KCTD7: variants seen among roughly 807,000 people sequenced by gnomAD.
KCTD7 encodes the protein potassium channel tetramerization domain containing 7, also known as BTB/POZ domain-containing protein KCTD7.
Under a neutral mutation model 27.0 loss-of-function variants are expected in KCTD7, and 15 were observed. That is an observed-to-expected ratio of 0.56 (90% CI 0.37 to 0.86). The LOEUF (loss-of-function observed/expected upper bound fraction) is 0.86. Among genes scored for constraint, KCTD7 ranks in the 40% least tolerant of loss-of-function variants. The pLI is 0.00. For missense variants in KCTD7, 299 were observed against 398.9 expected (o/e 0.75, Z 2.13); for synonymous variants, 159 against 162.7 (o/e 0.98, Z 0.17).
Position 66,638,906 on chromosome 7 carries a change from A to G in KCTD7, c.544A>G (p.Lys182Glu). 1 of 1,614,142 alleles carries G rather than the reference A, an allele frequency of 6.2e-7. No homozygotes were observed. The highest frequency in any genetic ancestry group is 8.5e-7 in the Non-Finnish European group (1 of 1,180,038). The change falls in exon 4 of 4, where the codon AAG becomes GAG. Residue 182 changes from lysine (K) to glutamate (E), a missense_variant. Coordinates refer to ENST00000639828, the MANE Select transcript of KCTD7 (RefSeq NM_153033.5). ...CGCCCGGCTGCGTGCGGTCCAGCGG[A>G]AGGCCCGCTTTGCCAAGCTCAAGGT... ...EIARLRAVQR[K>E]ARFAKLKVCV... is the part of the protein sequence containing the mutation.
intron 1 of KCTD7, 67 bp downstream of exon 1, chr7:66,629,275 T>C (rs1786387702): frequency 5.1e-6 from 5 of 971,090 alleles, no homozygotes; most frequent in South Asian, 8.1e-5. Context: ...GCGCGGGGCA[T>C]AGCGGTCCTC....
Position 66,640,410 on chromosome 7 carries a change from C to T in KCTD7, c.*1178C>T. 1 of 1,537,184 alleles carries T rather than the reference C, an allele frequency of 6.5e-7. No individual in the cohort carries two copies. The highest frequency in any genetic ancestry group is 2.4e-5 in the East Asian group (1 of 40,910). Reference sequence around the variant, plus strand: ...CTATTTCAGAAATTGAAAAAGATCCCCAAGGATCTGTTACTACTGCATTTC... The same window carrying T: ...CTATTTCAGAAATTGAAAAAGATCCTCAAGGATCTGTTACTACTGCATTTC... On this transcript the variant is annotated 3_prime_UTR_variant, in exon 4 of 4. Coordinates refer to ENST00000639828, the MANE Select transcript of KCTD7 (RefSeq NM_153033.5).
In KCTD7 at chr7:66,640,047, T is replaced by C; in HGVS notation, c.*815T>C. On this transcript the variant is annotated 3_prime_UTR_variant, in exon 4 of 4. Transcript: ENST00000639828. ...TCAAGCAGGCAAGATGCCTAGATCT[T>C]CTGTTATCTTTGACATGTAACATCC... 7.9e-7 allele frequency: 1 copy of C among 1,267,920 alleles called. No individual in the cohort carries two copies. Among genetic ancestry groups the C allele is most frequent in the Non-Finnish European group, 9.9e-7 (1 of 1,010,842 alleles). 78.5% of individuals were successfully genotyped at this position (1,267,920 alleles called of 1,614,324 possible).
At chr7:66,643,147 G>A (rs1187001673), downstream of KCTD7, 1 of 959,212 alleles carries the variant, frequency 1.0e-6, no homozygotes, top group Non-Finnish European at 1.2e-6. Context: ...AAAATGTGGT[G>A]TGTTTGGGGA....
chr7:66,638,201 C>T (rs1428154080), intron 2 of KCTD7, 52 bp from the exon 3 acceptor site: 15 of 1,598,434 alleles, frequency 9.4e-6, no homozygotes, highest in Non-Finnish European at 1.3e-5. Context: ...CTGTGTGGCA[C>T]TGCCCAGGAG....
Position 66,628,967 on chromosome 7 carries a change from C to A in KCTD7, c.-98C>A. 7.8e-7 allele frequency: 1 copy of A among 1,281,916 alleles called. No individual in the cohort carries two copies. Among genetic ancestry groups the A allele is most frequent in the Non-Finnish European group, 1.0e-6 (1 of 973,330 alleles). 79.4% of individuals were successfully genotyped at this position (1,281,916 alleles called of 1,614,324 possible). On this transcript the variant is annotated 5_prime_UTR_variant, in exon 1 of 4. Transcript: ENST00000639828. ...TCGCCCCCCTCCGGCCAGCCCGCAG[C>A]CGGCCGCGTCATGCCAGGCGCTGCT...
chr7:66,643,058 G>C (rs182211775), downstream of KCTD7: 1,226 of 985,436 alleles, frequency 1.2e-3, 2 homozygotes, highest in Non-Finnish European at 1.4e-3. Flanking sequence ...CCTGGGTGCT[G>C]TGCCTTTCTT....
chr7:66,639,861 C>A lies in KCTD7; in HGVS notation c.*629C>A. On this transcript the variant is annotated 3_prime_UTR_variant, in exon 4 of 4. Transcript: ENST00000639828. ...CTTTTGGAGATTTAACCATAGCTGC[C>A]AAAGCTATGCACCCAGTTGGCCTTA... The A allele has an allele frequency of 3.2e-6, 4 of 1,246,960 alleles. No homozygotes were observed. Among genetic ancestry groups the A allele is most frequent in the Non-Finnish European group, 4.0e-6 (4 of 996,472 alleles). 77.2% of individuals were successfully genotyped at this position (1,246,960 alleles called of 1,614,324 possible). A position where few individuals can be genotyped will look rare whatever the true frequency, so the allele number is the denominator to read the frequency against.
Position 66,642,270 on chromosome 7 carries a change from CTT to C in KCTD7, c.*3039_*3040del. Reference sequence around the variant, plus strand: ...ATCACCTTCCTTATTTTACCTCTGCCTTGTTCACCAGGCTGCCCAGTGCTTAC... The same window carrying C: ...ATCACCTTCCTTATTTTACCTCTGCCGTTCACCAGGCTGCCCAGTGCTTAC... On this transcript the variant is annotated 3_prime_UTR_variant, in exon 4 of 4. Coordinates refer to ENST00000639828, the MANE Select transcript of KCTD7 (RefSeq NM_153033.5). 1 of 985,434 alleles carries C rather than the reference CTT, an allele frequency of 1.0e-6. No individual in the cohort carries two copies. Among genetic ancestry groups the C allele is most frequent in the South Asian group, 4.7e-5 (1 of 21,290 alleles). The allele number at this position is 985,434 out of a possible 1,614,324, so 61.0% of individuals were successfully genotyped here.
intron 2 of KCTD7, among the ~76,000 whole-genome samples, chr7:66,636,584 A>G (rs1786591985): frequency 6.6e-6 from 1 of 151,834 alleles, no homozygotes; most frequent in Admixed American, 6.6e-5. Flanking sequence ...TGTCTTCCGC[A>G]CGTACGGGTG....
intron 1 of KCTD7, among the ~76,000 whole-genome samples, chr7:66,632,503 AAAG>A (rs1786475180): frequency 6.7e-6 from 1 of 149,590 alleles, no homozygotes; most frequent in African/African-American, 2.5e-5. Context: ...AAAAAAAAAA[AAAG>A]AAAAAGGGCA....
rs886062423 is a variant in KCTD7 at position 66,641,554 on chromosome 7, G to A, written c.*2322G>A. On this transcript the variant is annotated 3_prime_UTR_variant, in exon 4 of 4. Coordinates refer to ENST00000639828, the MANE Select transcript of KCTD7 (RefSeq NM_153033.5). ...TACAGGGATGCTGGGTAAGAACACC[G>A]TTCCTCTCTCTCGCTGGAGAAATCC... 4.5e-5 allele frequency: 44 copies of A among 985,276 alleles called. No homozygotes were observed. Among genetic ancestry groups the A allele is most frequent in the Non-Finnish European group, 5.3e-5 (44 of 829,938 alleles). 61.0% of individuals were successfully genotyped at this position (985,276 alleles called of 1,614,324 possible).
intron 2 of KCTD7, 63 bp downstream of exon 2, chr7:66,633,507 A>G (rs1053905845): frequency 1.5e-5 from 22 of 1,474,964 alleles, no homozygotes; most frequent in Middle Eastern, 1.7e-4. Context: ...AGGCTTGAGT[A>G]TGGGACCTTG....
At chr7:66,629,292 TGGGCGGGGCCGGGGTTGG>T (rs1786388633) in intron 1 of KCTD7, 84 bp downstream of exon 1, 1 of 123,402 alleles carries the variant, frequency 8.1e-6, no homozygotes, top group African/African-American at 3.6e-5. Context: ...CCTCGGCGGG[TGGGCGGGGCCGGGGTTGG>T]GGGCGGGGCC....
chr7:66,633,136 A>G (rs1202278146), intron 1 of KCTD7, 139 bp from the exon 2 acceptor site: 3 of 803,840 alleles, frequency 3.7e-6, no homozygotes, highest in Non-Finnish European at 6.3e-6. Flanking sequence ...GAGAGAGAAG[A>G]AAGTGTTCAG....
In KCTD7 at chr7:66,642,022, C is replaced by A. The variant is rs1786730336; in HGVS notation, c.*2790C>A. The A allele has an allele frequency of 1.0e-6, 1 of 985,400 alleles. No individual in the cohort carries two copies. 61.0% of individuals were successfully genotyped at this position (985,400 alleles called of 1,614,324 possible). A position where few individuals can be genotyped will look rare whatever the true frequency, so the allele number is the denominator to read the frequency against. ...CTCTCACTTGACAAGGGACTGGATT[C>A]ATCTTGCCTTGAGACGGGCCAGTAG... On this transcript the variant is annotated 3_prime_UTR_variant, in exon 4 of 4. Transcript: ENST00000639828.
intron 2 of KCTD7, 50 bp from the exon 3 acceptor site, chr7:66,638,203 G>C (rs779291721): frequency 1.2e-6 from 2 of 1,602,172 alleles, no homozygotes; most frequent in East Asian, 4.5e-5. Flanking sequence ...GTGTGGCACT[G>C]CCCAGGAGCA....
Position 66,640,482 on chromosome 7 carries a change from A to G in KCTD7, c.*1250A>G, listed in dbSNP as rs1023252512. ...TAGGCCAACTAGTCAGGGTCTGGAC[A>G]TGCATCTCCTAAAGGAAGAACTGTG... On this transcript the variant is annotated 3_prime_UTR_variant, in exon 4 of 4. Transcript: ENST00000639828. 1 of 1,535,070 alleles carries G rather than the reference A, an allele frequency of 6.5e-7. No individual in the cohort carries two copies. The highest frequency in any genetic ancestry group is 1.4e-5 in the African/African-American group (1 of 73,054).
chr7:66,638,795 A>G (rs1453388965), intron 3 of KCTD7, 61 bp from the exon 4 acceptor site: 1 of 1,598,938 alleles, frequency 6.3e-7, no homozygotes, highest in Admixed American at 1.7e-5. Flanking sequence ...TTCTCTGTGC[A>G]TCTCTGCTGC....
Sources: allele counts gnomAD v4.1 joint callset (sites outside exome capture counted in the v4.1 genomes callset), GRCh38; gene constraint gnomAD v4.1.1; transcripts MANE v1.5; gene names NCBI Gene and HGNC (gene_info 2026-07-23, HGNC 2026-07-21).